Variants in LOXHD1 observed in about 807,000 individuals in gnomAD.
LOXHD1 encodes the protein lipoxygenase homology PLAT domains 1, also known as lipoxygenase homology domain-containing protein 1.
Under a neutral mutation model 248.2 loss-of-function variants are expected in LOXHD1, and 205 were observed. The ratio of observed to expected loss-of-function variants is 0.83; its 90% CI spans 0.74 to 0.93. LOXHD1 has a LOEUF of 0.93. Ranked by LOEUF, LOXHD1 falls within the 40% of genes least tolerant of loss-of-function variation. The pLI, the probability that LOXHD1 is intolerant of heterozygous loss-of-function variation, is 0.00. For synonymous variants in LOXHD1, 1,113 were observed against 1,162.8 expected (o/e 0.96, Z 0.87); for missense variants, 2,930 against 2,971.6 (o/e 0.99, Z 0.33).
At chr18:46,656,440 A>T (rs116380074) in intron 1 of LOXHD1, among the ~76,000 whole-genome samples, 3,828 of 152,232 alleles carry the variant, frequency 0.025, 137 homozygotes, top group African/African-American at 0.077. Context: ...TGGGATGGAC[A>T]TCTCCTTGCA....
chr18:46,614,829 A>C (rs2038562518), intron 5 of LOXHD1, among the ~76,000 whole-genome samples: 1 of 152,234 alleles, frequency 6.6e-6, no homozygotes, highest in Admixed American at 6.5e-5. Context: ...GGTATCAAAA[A>C]TCATAAAATA....
chr18:46,515,861 C>T (rs1292910567), intron 34 of LOXHD1, among the ~76,000 whole-genome samples: 1 of 152,184 alleles, frequency 6.6e-6, no homozygotes, highest in Non-Finnish European at 1.5e-5. Context: ...GGGCAATGGC[C>T]CCCAGCTTCC....
chr18:46,641,361 G>A (rs1194376943), intron 3 of LOXHD1, among the ~76,000 whole-genome samples: 2 of 152,176 alleles, frequency 1.3e-5, no homozygotes, highest in African/African-American at 4.8e-5. Context: ...GAAAAGGGAG[G>A]CAATTGAAGG....
At chr18:46,577,937 T>G in intron 13 of LOXHD1, 70 bp from the exon 14 acceptor site, 1 of 1,497,434 alleles carries the variant, frequency 6.7e-7, no homozygotes, top group Non-Finnish European at 9.1e-7. Flanking sequence ...AGGGAAGACA[T>G]AAGCTCAGAT....
intron 2 of LOXHD1, among the ~76,000 whole-genome samples, chr18:46,648,797 C>T (rs1397310669): frequency 6.6e-6 from 1 of 152,212 alleles, no homozygotes; most frequent in Non-Finnish European, 1.5e-5. Context: ...GATGTATGGT[C>T]TTCCCGATAT....
chr18:46,618,501 C>A (rs186206852), intron 4 of LOXHD1, among the ~76,000 whole-genome samples: 3 of 152,204 alleles, frequency 2.0e-5, no homozygotes, highest in Admixed American at 2.0e-4. Context: ...AACAACAGAG[C>A]AAAAAACAAC....
intron 28 of LOXHD1, among the ~76,000 whole-genome samples, chr18:46,531,151 G>T (rs2036047185): frequency 6.6e-6 from 1 of 151,968 alleles, no homozygotes; most frequent in African/African-American, 2.4e-5. Context: ...GCTCCTGAGT[G>T]CATTGTGAGA....
At chr18:46,532,714 A>T (rs1365233547) in intron 28 of LOXHD1, among the ~76,000 whole-genome samples, 1 of 152,158 alleles carries the variant, frequency 6.6e-6, no homozygotes, top group East Asian at 1.9e-4. Flanking sequence ...ACAAATACAC[A>T]ATGGTTCCAG....
At position 46,559,307 on chromosome 18, in the gene LOXHD1, G is replaced by C. The variant is rs1434092605; in HGVS notation, c.3216+141C>G. On this transcript the variant is annotated intron_variant, in intron 20 of 40. Coordinates refer to ENST00000642948, the MANE Select transcript of LOXHD1 (RefSeq NM_001384474.1). ...CACAAAGTATCAGTGTTACTGAAGA[G>C]GTACTGCCATGAAACCTGGTGGGAT... is the stretch of plus-strand genomic sequence containing the variant. 31 of 1,545,074 alleles carry C rather than the reference G, an allele frequency of 2.0e-5. 1 individual carries two copies. The East Asian group carries it at 6.4e-4, about 32-fold the overall frequency.
chr18:46,538,064 T>G, intron 26 of LOXHD1, 92 bp downstream of exon 26: 1 of 1,179,388 alleles, frequency 8.5e-7, no homozygotes, highest in Non-Finnish European at 1.2e-6. Context: ...TGCATCAGGA[T>G]GAAGGGCATG....
intron 21 of LOXHD1, among the ~76,000 whole-genome samples, chr18:46,550,389 A>C (rs896179982): frequency 2.0e-5 from 3 of 151,426 alleles, no homozygotes; most frequent in South Asian, 2.1e-4. Context: ...CTGGCTAACA[A>C]GGTGAAACCC....
rs1259663273 is a variant in LOXHD1, at chr18:46,505,838, C to A, written c.5878G>T (p.Gly1960Trp). 3 of 1,551,532 alleles carry A rather than the reference C, an allele frequency of 1.9e-6. No individual in the cohort carries two copies. The highest frequency in any genetic ancestry group is 2.4e-5 in the South Asian group (2 of 84,060). ...CKLRVWHDNKGIFPGWHLSYV... is the reference protein window; with the variant it reads ...CKLRVWHDNKWIFPGWHLSYV... ...CAACCTGGCCTTGAGTGGGAGCTACCTTTGTTGTCGTGCCAGACCCTCAGC... is the reference window on the plus strand; with the variant it reads ...CAACCTGGCCTTGAGTGGGAGCTACATTTGTTGTCGTGCCAGACCCTCAGC... The change falls in exon 37 of 41, where the codon GGG becomes TGG. Residue 1960 changes from glycine to tryptophan, a missense_variant and splice_region_variant. Coordinates refer to ENST00000642948, the MANE Select transcript of LOXHD1 (RefSeq NM_001384474.1).
intron 37 of LOXHD1, among the ~76,000 whole-genome samples, chr18:46,504,524 T>C (rs1277143519): frequency 2.0e-5 from 3 of 152,254 alleles, no homozygotes; most frequent in African/African-American, 7.2e-5. Flanking sequence ...CACTGAAATT[T>C]GAAAACTGTG....
Position 46,641,928 on chromosome 18 carries a change from C to T in LOXHD1, c.326+28G>A, listed in dbSNP as rs2038967362. 4 of 1,545,016 alleles carry T rather than the reference C, an allele frequency of 2.6e-6. 1 individual carries two copies. Among genetic ancestry groups the T allele is most frequent in the Non-Finnish European group, 3.5e-6 (4 of 1,141,126 alleles). ...AATCCCTCACTTTCATCTCCACCCT[C>T]AATCCTAGTCAGGCGCCAGCTTCTC... is the stretch of plus-strand genomic sequence containing the variant. On this transcript the variant is annotated intron_variant, in intron 3 of 40. Coordinates refer to ENST00000642948, the MANE Select transcript of LOXHD1 (RefSeq NM_001384474.1).
At position 46,485,022 on chromosome 18, in the gene LOXHD1, C is replaced by T. The variant is rs1352435042; in HGVS notation, c.6179G>A (p.Arg2060Lys). The change falls in exon 39 of 41, where the codon AGG becomes AAG. Residue 2060 changes from arginine to lysine, a missense_variant. Transcript: ENST00000642948. ...MENSSRQRAF[R>K]KGTTDTFEFD... is the part of the protein sequence containing the mutation. ...CCCATGGGCCTCCCCTTCCTACTTC[C>T]TAAAGGCCCGCTGCCTAGAAGAATT... 5 of 1,550,884 alleles carry T rather than the reference C, an allele frequency of 3.2e-6. No homozygotes were observed. The highest frequency in any genetic ancestry group is 2.4e-5 in the East Asian group (1 of 40,920).
At chr18:46,601,536 C>T in intron 7 of LOXHD1, 69 bp from the exon 8 acceptor site, 1 of 1,548,742 alleles carries the variant, frequency 6.5e-7, no homozygotes, top group South Asian at 1.2e-5. Context: ...CCCCCTCCTC[C>T]CCTTCCTGGT....
At chr18:46,496,156 G>A (rs1291316263) in intron 37 of LOXHD1, among the ~76,000 whole-genome samples, 1 of 152,158 alleles carries the variant, frequency 6.6e-6, no homozygotes, top group Non-Finnish European at 1.5e-5. Context: ...CAGCTGGTGT[G>A]ACAACTTTCA....
At chr18:46,600,745 C>G (rs1298309691) in intron 8 of LOXHD1, among the ~76,000 whole-genome samples, 1 of 152,130 alleles carries the variant, frequency 6.6e-6, no homozygotes, top group Non-Finnish European at 1.5e-5. Context: ...TGGAAGGACA[C>G]AGAGGAGTTT....
chr18:46,581,833 T>C (rs2037969006), intron 12 of LOXHD1, among the ~76,000 whole-genome samples: 1 of 152,206 alleles, frequency 6.6e-6, no homozygotes, highest in Non-Finnish European at 1.5e-5. Flanking sequence ...ATATAAGGGA[T>C]GCTCAATACA....
Sources: gnomAD v4.1 joint callset for allele counts (sites outside exome capture counted in the v4.1 genomes callset) on GRCh38, gnomAD v4.1.1 for gene constraint, MANE v1.5 for transcripts, NCBI Gene and HGNC (gene_info 2026-07-23, HGNC 2026-07-21) for gene names.